The following FANCA variants were observed in gnomAD, a reference collection of about 807,000 sequenced individuals.
The protein encoded by FANCA is Fanconi anemia group A protein.
A neutral mutation model predicts 194.3 loss-of-function variants in FANCA; 236 were observed. The ratio of observed to expected loss-of-function variants is 1.21; its 90% confidence interval spans 1.09 to 1.35. The LOEUF is 1.35. Ranked by LOEUF, FANCA falls within the 40% of genes most tolerant of loss-of-function variation. The probability of loss-of-function intolerance (pLI) is 0.00; values close to 1 mark genes in which losing one functional copy is unlikely to be tolerated. For synonymous variants in FANCA, 1,014 were observed against 715.8 expected (o/e 1.42, Z -6.65); for missense variants, 2,628 against 1,813.9 (o/e 1.45, Z -8.15).
At chr16:89,808,863 C>G (rs1207256371) in intron 5 of FANCA, among the ~76,000 whole-genome samples, 1 of 152,050 alleles carries the variant, frequency 6.6e-6, no homozygotes, top group Non-Finnish European at 1.5e-5. Flanking sequence ...TCACACTGCC[C>G]TGATCTCCCT....
In FANCA at chr16:89,796,022, C is replaced by A. The variant is rs1275962279; in HGVS notation, c.894-4G>T. 2 of 1,611,842 alleles carry A rather than the reference C, an allele frequency of 1.2e-6. No individual in the cohort carries two copies. The highest frequency in any genetic ancestry group is 1.7e-6 in the Non-Finnish European group (2 of 1,177,990). ...GTGTCCACTGAACACTCCGAACCTGCCAATGCAGCAGAAAGAGGGGTCAGG... is the reference window on the plus strand; with the variant it reads ...GTGTCCACTGAACACTCCGAACCTGACAATGCAGCAGAAAGAGGGGTCAGG... On this transcript the variant is annotated splice_region_variant and splice_polypyrimidine_tract_variant and intron_variant, in intron 10 of 42. Transcript: ENST00000389301.
At chr16:89,770,660 G>C (rs750124662) in intron 23 of FANCA, 26 bp from the exon 24 acceptor site, 14 of 1,581,888 alleles carry the variant, frequency 8.9e-6, no homozygotes, top group Non-Finnish European at 1.2e-5. Context: ...TCTCATGAGC[G>C]TGGTGTCCTG....
At chr16:89,741,807 G>C (rs935012599) in intron 37 of FANCA, among the ~76,000 whole-genome samples, 1 of 152,134 alleles carries the variant, frequency 6.6e-6, no homozygotes, top group Non-Finnish European at 1.5e-5. Context: ...CTGTCCCTCA[G>C]CACATGAATC....
At chr16:89,794,150 T>C (rs1224863169) in intron 11 of FANCA, among the ~76,000 whole-genome samples, 1 of 152,224 alleles carries the variant, frequency 6.6e-6, no homozygotes, top group African/African-American at 2.4e-5. Flanking sequence ...CTATTTGCTA[T>C]ATCATCAATT....
chr16:89,761,528 C>T (rs1198383969), intron 29 of FANCA, among the ~76,000 whole-genome samples: 1 of 150,534 alleles, frequency 6.6e-6, no homozygotes, highest in Non-Finnish European at 1.5e-5. Flanking sequence ...TGAAATTGTG[C>T]TCAAAGATTA....
chr16:89,803,215 G>A (rs1365237825), intron 8 of FANCA, 44 bp downstream of exon 8: 2 of 1,556,396 alleles, frequency 1.3e-6, no homozygotes, highest in Non-Finnish European at 8.9e-7. Context: ...TTGGAATAAG[G>A]ACGGCTCCTT....
rs2040857749 is a variant in FANCA, at chr16:89,810,992, C to G, written c.363G>C (p.Val121=). 1 of 1,613,954 alleles carries G rather than the reference C, an allele frequency of 6.2e-7. No individual in the cohort carries two copies. Among genetic ancestry groups the G allele is most frequent in the Non-Finnish European group, 8.5e-7 (1 of 1,180,040 alleles). Residue 121 remains valine (V), a synonymous_variant, in exon 4 of 43, where the codon GTG becomes GTC. Coordinates refer to ENST00000389301, the MANE Select transcript of FANCA (RefSeq NM_000135.4). ...CCGCTGGAGCCGTGCAGATCTGTCC[C>G]ACGCTAGAGGCAACCATCCCGGCTG... is the stretch of plus-strand genomic sequence containing the variant. ...ILSAGMVASS[V]GQICTAPAET...
intron 11 of FANCA, 126 bp downstream of exon 11, chr16:89,795,780 T>A: frequency 1.4e-6 from 1 of 731,470 alleles, no homozygotes. Context: ...ACCCAGTCTC[T>A]GGTTCAAGAC....
At chr16:89,793,843 C>T (rs894675629) in intron 11 of FANCA, among the ~76,000 whole-genome samples, 1 of 152,168 alleles carries the variant, frequency 6.6e-6, no homozygotes, top group Non-Finnish European at 1.5e-5. Context: ...CTCTGCCTCT[C>T]GGGTTCAAGC....
rs567201862 is a variant in FANCA at position 89,751,840 on chromosome 16, G to A, written c.3066+298C>T. Among the ~76,000 whole-genome samples the A allele has an allele frequency of 4.6e-5, 7 of 151,114 alleles. No homozygotes were observed. The South Asian group carries it at 6.3e-4, about 14-fold the overall frequency. On this transcript the variant is annotated intron_variant, in intron 31 of 42. Transcript: ENST00000389301. The stretch of plus-strand genomic sequence containing the variant: ...GGCTGGAGTGCAGTGGCACAATCTC[G>A]GCTCACTGCAAGCTCCGCCTCCTGG...
chr16:89,765,308 G>T (rs1299384817), intron 27 of FANCA, among the ~76,000 whole-genome samples: 1 of 149,458 alleles, frequency 6.7e-6, no homozygotes, highest in African/African-American at 2.5e-5. Context: ...CCAGCCCTTG[G>T]GAGGGCACAA....
Position 89,758,455 on chromosome 16 carries a change from G to A in FANCA, c.2981+122C>T, listed in dbSNP as rs916230849. On this transcript the variant is annotated intron_variant, in intron 30 of 42. Transcript: ENST00000389301. Reference sequence around the variant, plus strand: ...GGAGACTGACATTTGGGTATAGGCTGGGAAAGGCAGACCCACCCTAAGCTA... The same window carrying A: ...GGAGACTGACATTTGGGTATAGGCTAGGAAAGGCAGACCCACCCTAAGCTA... 2.0e-5 allele frequency: 24 copies of A among 1,177,530 alleles called. No homozygotes were observed. The African/African-American group carries it at 2.6e-4, about 13-fold the overall frequency. 72.9% of individuals were successfully genotyped at this position (1,177,530 alleles called of 1,614,324 possible). A position where few individuals can be genotyped will look rare whatever the true frequency, so the allele number is the denominator to read the frequency against.
chr16:89,774,301 G>C (rs1013743217), intron 21 of FANCA, among the ~76,000 whole-genome samples: 1 of 152,068 alleles, frequency 6.6e-6, no homozygotes, highest in African/African-American at 2.4e-5. Context: ...CAAAAGCTAC[G>C]AACAAGTGGA....
chr16:89,781,675 CAAA>C (rs1191506028), intron 17 of FANCA, among the ~76,000 whole-genome samples: 6 of 81,590 alleles, frequency 7.4e-5, no homozygotes, highest in Non-Finnish European at 7.7e-5. Flanking sequence ...GACTCCGTCT[CAAA>C]AAAAAAAAAA....
In FANCA at chr16:89,807,229, C is replaced by T. The variant is rs541584701; in HGVS notation, c.596+1065G>A. 2.2e-4 allele frequency among the ~76,000 whole-genome samples: 31 copies of T among 140,788 alleles called. No individual in the cohort carries two copies. In the East Asian group the frequency reaches 5.5e-3, roughly 25 times the overall value. 92.4% of individuals were successfully genotyped at this position (140,788 alleles called of 152,430 possible). ...GATGAAATTCTGCTCTAGGCCGAGG[C>T]GGGAGGATCACAAGATCAGGAGTTC... On this transcript the variant is annotated intron_variant, in intron 6 of 42. Coordinates refer to ENST00000389301, the MANE Select transcript of FANCA (RefSeq NM_000135.4).
chr16:89,777,281 C>T (rs576905617), intron 20 of FANCA, among the ~76,000 whole-genome samples: 9 of 151,940 alleles, frequency 5.9e-5, no homozygotes, highest in East Asian at 1.9e-4. Flanking sequence ...ACTTGGGAGG[C>T]GGAGAGGGAA....
intron 37 of FANCA, among the ~76,000 whole-genome samples, chr16:89,741,291 C>G (rs539167793): frequency 6.6e-6 from 1 of 152,354 alleles, no homozygotes; most frequent in African/African-American, 2.4e-5. Flanking sequence ...TCGCTGCACA[C>G]TAGGGTCCTA....
At position 89,770,178 on chromosome 16, in the gene FANCA, C is replaced by A; in HGVS notation, c.2304G>T (p.Leu768=). The change falls in exon 25 of 43, where the codon CTG becomes CTT. Residue 768 remains leucine (L), a synonymous_variant. Transcript: ENST00000389301. The stretch of plus-strand genomic sequence containing the variant: ...AGGAGAGCCTCACCTGGTGACGGAG[C>A]AGCTGGCAGAGCCGGGTGAGCACTG... ...LPAVLTRLCQ[L]LRHQGPSLSA... is the part of the protein sequence containing the mutation. 6.3e-7 allele frequency: 1 copy of A among 1,591,250 alleles called. No homozygotes were observed. The highest frequency in any genetic ancestry group is 8.6e-7 in the Non-Finnish European group (1 of 1,169,416).
chr16:89,805,615 C>T (rs146603179), intron 6 of FANCA, among the ~76,000 whole-genome samples: 79 of 152,238 alleles, frequency 5.2e-4, no homozygotes, highest in Non-Finnish European at 9.1e-4. Flanking sequence ...CATACCACCA[C>T]GCCCAGCTGG....
Sources: allele counts gnomAD v4.1 joint callset (sites outside exome capture counted in the v4.1 genomes callset), GRCh38; gene constraint gnomAD v4.1.1; transcripts MANE v1.5; gene names NCBI Gene and HGNC (gene_info 2026-07-23, HGNC 2026-07-21).